The following ERBB4 variants were observed in gnomAD, a reference collection of about 807,000 sequenced individuals.
ERBB4 encodes the protein erb-b2 receptor tyrosine kinase 4.
In ERBB4, 42 loss-of-function variants were observed where a neutral mutation model predicts 158.0. The ratio of observed to expected loss-of-function variants is 0.27; its 90% CI spans 0.21 to 0.34. The LOEUF is 0.34. Among genes scored for constraint, ERBB4 ranks in the 10% least tolerant of loss-of-function variants. The probability of loss-of-function intolerance (pLI) is 1.00; values close to 1 mark genes in which losing one functional copy is unlikely to be tolerated. For missense variants in ERBB4, 1,333 were observed against 1,624.1 expected (o/e 0.82, Z 3.08); for synonymous variants, 583 against 558.7 (o/e 1.04, Z -0.61).
chr2:211,534,764 T>C (rs1310938138), intron 20 of ERBB4, among the ~76,000 whole-genome samples: 1 of 152,052 alleles, frequency 6.6e-6, no homozygotes, highest in South Asian at 2.1e-4. Flanking sequence ...TGCTGCATAC[T>C]GAGAGGTAAT....
intron 3 of ERBB4, among the ~76,000 whole-genome samples, chr2:211,817,620 T>C (rs1390705989): frequency 1.3e-5 from 2 of 152,198 alleles, no homozygotes. Context: ...AATGGAATTT[T>C]CACTGGGCAT....
At chr2:212,210,344 A>ATT (rs2082896295) in intron 1 of ERBB4, among the ~76,000 whole-genome samples, 1 of 152,080 alleles carries the variant, frequency 6.6e-6, no homozygotes, top group Admixed American at 6.6e-5. Flanking sequence ...AAAGTAATGA[A>ATT]ACTAAAACAG....
intron 1 of ERBB4, among the ~76,000 whole-genome samples, chr2:212,284,572 T>G (rs574753845): frequency 1.0e-3 from 153 of 152,238 alleles, no homozygotes; most frequent in Non-Finnish European, 1.9e-3. Flanking sequence ...CCATTTGTGG[T>G]GTACTTCAAA....
intron 1 of ERBB4, among the ~76,000 whole-genome samples, chr2:212,529,584 A>G (rs560490084): frequency 6.6e-6 from 1 of 152,316 alleles, no homozygotes; most frequent in African/African-American, 2.4e-5. Flanking sequence ...ACAAATAATA[A>G]CCATTCATGA....
At chr2:211,739,455 T>C (rs1464062717) in intron 5 of ERBB4, among the ~76,000 whole-genome samples, 1 of 152,178 alleles carries the variant, frequency 6.6e-6, no homozygotes, top group African/African-American at 2.4e-5. Flanking sequence ...TTTTCAAACA[T>C]CTGGCTATTT....
intron 20 of ERBB4, among the ~76,000 whole-genome samples, chr2:211,494,169 AT>A: frequency 6.6e-6 from 1 of 152,078 alleles, no homozygotes; most frequent in East Asian, 1.9e-4. Context: ...CGCCCAGCTA[AT>A]TTTTGTATTT....
intron 2 of ERBB4, among the ~76,000 whole-genome samples, chr2:211,963,808 T>A (rs1295418404): frequency 6.6e-6 from 1 of 152,166 alleles, no homozygotes; most frequent in East Asian, 1.9e-4. Flanking sequence ...AGTCAGTCAT[T>A]TCCTTTATAG....
intron 12 of ERBB4, among the ~76,000 whole-genome samples, chr2:211,701,620 C>G (rs756106484): frequency 6.6e-6 from 1 of 151,680 alleles, no homozygotes; most frequent in South Asian, 2.1e-4. Flanking sequence ...TAGCCGGGCG[C>G]GGCGGCGGGC....
At chr2:212,039,582 A>G (rs1314278244) in intron 2 of ERBB4, among the ~76,000 whole-genome samples, 2 of 152,208 alleles carry the variant, frequency 1.3e-5, no homozygotes, top group African/African-American at 4.8e-5. Flanking sequence ...ATTGTTCAGT[A>G]ACTTGCTTAT....
intron 7 of ERBB4, among the ~76,000 whole-genome samples, chr2:211,720,635 G>GC (rs2074062744): frequency 6.6e-6 from 1 of 152,092 alleles, no homozygotes; most frequent in Non-Finnish European, 1.5e-5. Context: ...TCATCTACAT[G>GC]CTGAAAAATC....
At position 212,331,584 on chromosome 2, in the gene ERBB4, T is replaced by C. The variant is rs189208868; in HGVS notation, c.83-206681A>G. Among the ~76,000 whole-genome samples the C allele has an allele frequency of 1.8e-4, 28 of 152,178 alleles. 1 individual carries two copies. The highest frequency in any genetic ancestry group is 2.6e-4 in the African/African-American group (11 of 41,542). On this transcript the variant is annotated intron_variant, in intron 1 of 27. Coordinates refer to ENST00000342788, the MANE Select transcript of ERBB4 (RefSeq NM_005235.3). ...AGATCCCAATCTAAAGCATCTATTG[T>C]ATACTGTAGCTAGAGATAATATTAC... is the stretch of plus-strand genomic sequence containing the variant.
intron 2 of ERBB4, among the ~76,000 whole-genome samples, chr2:212,058,985 T>C (rs956459998): frequency 1.3e-5 from 2 of 152,066 alleles, no homozygotes; most frequent in Non-Finnish European, 2.9e-5. Flanking sequence ...CAATTAGGCA[T>C]AGAGGAAGTC....
At chr2:212,412,315 C>T (rs1159494875) in intron 1 of ERBB4, among the ~76,000 whole-genome samples, 1 of 152,178 alleles carries the variant, frequency 6.6e-6, no homozygotes, top group Non-Finnish European at 1.5e-5. Context: ...GGAGGTGGGG[C>T]CTGATGGCAG....
At chr2:212,253,638 A>G (rs1173648897) in intron 1 of ERBB4, among the ~76,000 whole-genome samples, 1 of 152,168 alleles carries the variant, frequency 6.6e-6, no homozygotes, top group Non-Finnish European at 1.5e-5. Flanking sequence ...CACTTGGAAA[A>G]CAAGGGTCTA....
At chr2:211,892,123 A>C (rs1236698124) in intron 3 of ERBB4, among the ~76,000 whole-genome samples, 1 of 118,716 alleles carries the variant, frequency 8.4e-6, no homozygotes, top group Non-Finnish European at 1.7e-5. Flanking sequence ...ATTTTAGACC[A>C]ATATCCTTGA....
At chr2:212,411,977 C>T (rs1412958624) in intron 1 of ERBB4, among the ~76,000 whole-genome samples, 1 of 152,128 alleles carries the variant, frequency 6.6e-6, no homozygotes, top group Admixed American at 6.6e-5. Flanking sequence ...CTTAGATCAA[C>T]TCTGGGAGTT....
chr2:212,537,846 C>T (rs531433363), intron 1 of ERBB4, among the ~76,000 whole-genome samples: 1 of 152,138 alleles, frequency 6.6e-6, no homozygotes, highest in South Asian at 2.1e-4. Flanking sequence ...CCCAGAACTC[C>T]GGGCCCCGGA....
At position 212,205,108 on chromosome 2, in the gene ERBB4, G is replaced by A. The variant is rs149861038; in HGVS notation, c.83-80205C>T. Among the ~76,000 whole-genome samples, 926 of 152,076 alleles carry A rather than the reference G, an allele frequency of 6.1e-3. 10 individuals are homozygous for A. The highest frequency in any genetic ancestry group is 0.021 in the African/African-American group (887 of 41,498). On this transcript the variant is annotated intron_variant, in intron 1 of 27. Transcript: ENST00000342788. Reference sequence around the variant, plus strand: ...GCTAGAATTACAGGCATGAGCCACCGTGCCTGGCCAACTTCCAGACAGAGA... The same window carrying A: ...GCTAGAATTACAGGCATGAGCCACCATGCCTGGCCAACTTCCAGACAGAGA...
At chr2:211,583,141 CA>C in intron 19 of ERBB4, among the ~76,000 whole-genome samples, 1 of 152,104 alleles carries the variant, frequency 6.6e-6, no homozygotes, top group East Asian at 1.9e-4. Flanking sequence ...TTCTAGTGGA[CA>C]GTGTATTTTT....
Sources: gnomAD v4.1 joint callset for allele counts (sites outside exome capture counted in the v4.1 genomes callset) on GRCh38, gnomAD v4.1.1 for gene constraint, MANE v1.5 for transcripts, NCBI Gene and HGNC (gene_info 2026-07-23, HGNC 2026-07-21) for gene names.